The following ACKR2 variants were observed in gnomAD, a reference collection of about 807,000 sequenced individuals.
The protein encoded by ACKR2 is atypical chemokine receptor 2, also known as C-C chemokine receptor D6.
For missense variants in ACKR2, 457 were observed against 477.3 expected (o/e 0.96, Z 0.40); for synonymous variants, 207 against 192.2 (o/e 1.08, Z -0.64).
chr3:42,865,358 G>T lies in ACKR2; in HGVS notation c.856G>T (p.Val286Phe), dbSNP rs1319525918. The T allele has an allele frequency of 6.2e-7, 1 of 1,614,194 alleles. No homozygotes were observed. Among genetic ancestry groups the T allele is most frequent in the Admixed American group, 1.7e-5 (1 of 60,018 alleles). The change falls in exon 3 of 3, where the codon GTC (valine) becomes TTC (phenylalanine). Residue 286 changes from valine (V) to phenylalanine (F), a missense_variant. Physicochemically the swap from Val to Phe is conservative, Grantham distance 50. Transcript: ENST00000422265. ...CCTGCAAGTATTCGGGAACTGTGAG[G>T]TCAGCCAGCATCTAGACTACGCACT... ...LDLQVFGNCE[V>F]SQHLDYALQV...
intron 2 of ACKR2, among the ~76,000 whole-genome samples, chr3:42,842,845 T>C (rs571639501): frequency 5.5e-4 from 84 of 151,846 alleles, no homozygotes; most frequent in Non-Finnish European, 1.0e-3. Flanking sequence ...TAGCCAGGTG[T>C]GGTGGTGGAC....
intron 1 of ACKR2, among the ~76,000 whole-genome samples, chr3:42,812,242 T>A (rs1292941088): frequency 6.6e-6 from 1 of 152,114 alleles, no homozygotes; most frequent in Non-Finnish European, 1.5e-5. Context: ...TGGCTAGGAG[T>A]ATTGTAATGG....
rs376833790 is a variant in ACKR2, at chr3:42,860,189, A to AAAAAC, written c.-37-4277_-37-4276insAAAAC. ...CAAAAAAAAAAAAAAAAAAAAAAAAAGCAGGGGATGCAATCCTAGTCTCTG... is the reference window on the plus strand; with the variant it reads ...CAAAAAAAAAAAAAAAAAAAAAAAAAAAAACGCAGGGGATGCAATCCTAGTCTCTG... On this transcript the variant is annotated intron_variant, in intron 2 of 2. Transcript: ENST00000422265. Among the ~76,000 whole-genome samples the AAAAAC allele has an allele frequency of 4.3e-3, 476 of 111,612 alleles. 55 individuals carry two copies. Among genetic ancestry groups the AAAAAC allele is most frequent in the African/African-American group, 8.9e-3 (305 of 34,182 alleles). The allele number at this position is 111,612 out of a possible 152,430, so 73.2% of individuals were successfully genotyped here.
chr3:42,830,171 G>T (rs1700917009), intron 2 of ACKR2, among the ~76,000 whole-genome samples: 4 of 152,198 alleles, frequency 2.6e-5, no homozygotes, highest in African/African-American at 9.6e-5. Context: ...TGACCATGTG[G>T]CAATCATAGA....
At position 42,866,452 on chromosome 3, in the gene ACKR2, G is replaced by T; in HGVS notation, c.*795G>T. The T allele has an allele frequency of 6.1e-6, 1 of 162,770 alleles. No individual in the cohort carries two copies. The allele number at this position is 162,770 out of a possible 1,614,324, so 10.1% of individuals were successfully genotyped here. ...GGCCTCCCAAAGTGCTGGGATTACA[G>T]GTGTGAGCCACCATGCCTGGCCCTA... On this transcript the variant is annotated 3_prime_UTR_variant, in exon 3 of 3. Coordinates refer to ENST00000422265, the MANE Select transcript of ACKR2 (RefSeq NM_001296.5).
intron 2 of ACKR2, among the ~76,000 whole-genome samples, chr3:42,844,290 G>T (rs1465589064): frequency 6.6e-6 from 1 of 152,178 alleles, no homozygotes; most frequent in Non-Finnish European, 1.5e-5. Context: ...TGAAGAGTGT[G>T]TTAGCAAACC....
At chr3:42,819,909 C>G (rs542069355) in intron 2 of ACKR2, among the ~76,000 whole-genome samples, 198 bp downstream of exon 2, 1 of 152,332 alleles carries the variant, frequency 6.6e-6, no homozygotes, top group Non-Finnish European at 1.5e-5. Flanking sequence ...CTCACTTTGT[C>G]TCTCCCAAAT....
intron 2 of ACKR2, among the ~76,000 whole-genome samples, chr3:42,828,092 A>ATATATATATTTTTT (rs1193533555): frequency 1.1e-4 from 14 of 121,894 alleles, no homozygotes; most frequent in African/African-American, 3.9e-4. Context: ...ATATATATAT[A>ATATATATATTTTTT]TTTTTTTTTT....
chr3:42,846,139 A>G (rs1389456425), intron 2 of ACKR2, among the ~76,000 whole-genome samples: 1 of 152,152 alleles, frequency 6.6e-6, no homozygotes, highest in Non-Finnish European at 1.5e-5. Flanking sequence ...CACTTGAAAC[A>G]GTGTCCTGTC....
intron 2 of ACKR2, among the ~76,000 whole-genome samples, chr3:42,822,681 T>C (rs1004174424): frequency 2.0e-5 from 3 of 152,056 alleles, no homozygotes; most frequent in Non-Finnish European, 4.4e-5. Flanking sequence ...GGTGAAACCC[T>C]GTCTCTACTG....
chr3:42,862,888 AC>A (rs2088398945), intron 2 of ACKR2, among the ~76,000 whole-genome samples: 1 of 152,210 alleles, frequency 6.6e-6, no homozygotes, highest in Non-Finnish European at 1.5e-5. Context: ...TAAACATAAG[AC>A]CTAAAATCGT....
At chr3:42,828,882 T>C (rs1700900712) in intron 2 of ACKR2, among the ~76,000 whole-genome samples, 2 of 152,226 alleles carry the variant, frequency 1.3e-5, no homozygotes, top group African/African-American at 4.8e-5. Flanking sequence ...AGGAGGATAA[T>C]ATAAGAGCAG....
intron 2 of ACKR2, among the ~76,000 whole-genome samples, chr3:42,849,229 C>T (rs937999472): frequency 1.3e-5 from 2 of 152,178 alleles, no homozygotes; most frequent in East Asian, 1.9e-4. Flanking sequence ...AGGCCGGCTG[C>T]TGTGGCTCGT....
At chr3:42,827,834 G>A (rs936615262) in intron 2 of ACKR2, among the ~76,000 whole-genome samples, 6 of 152,116 alleles carry the variant, frequency 3.9e-5, no homozygotes, top group East Asian at 1.9e-4. Flanking sequence ...CAGCCTGTGC[G>A]TGGACACTCT....
At chr3:42,846,236 G>A (rs1290742794) in intron 2 of ACKR2, among the ~76,000 whole-genome samples, 1 of 152,200 alleles carries the variant, frequency 6.6e-6, no homozygotes, top group Non-Finnish European at 1.5e-5. Flanking sequence ...CCCTCAGGAA[G>A]GGCTTCCTGG....
At chr3:42,837,350 G>T (rs943875048) in intron 2 of ACKR2, among the ~76,000 whole-genome samples, 6 of 152,058 alleles carry the variant, frequency 3.9e-5, no homozygotes, top group Admixed American at 3.9e-4. Context: ...CGGAGTAGCT[G>T]GGACTACAGG....
chr3:42,831,570 G>C (rs2125608807), intron 2 of ACKR2, among the ~76,000 whole-genome samples: 1 of 152,262 alleles, frequency 6.6e-6, no homozygotes, highest in South Asian at 2.1e-4. Flanking sequence ...GCTGAGTGTG[G>C]ATGAGCTCCA....
At chr3:42,856,533 G>A in intron 2 of ACKR2, 5 of 621,432 alleles carry the variant, frequency 8.0e-6, no homozygotes, top group Admixed American at 5.3e-5. Flanking sequence ...CAATACATAT[G>A]AAAAAAGCTA....
chr3:42,832,703 A>G (rs1700942948), intron 2 of ACKR2, among the ~76,000 whole-genome samples: 1 of 149,718 alleles, frequency 6.7e-6, no homozygotes, highest in African/African-American at 2.5e-5. Flanking sequence ...TGTCATTTTA[A>G]TTTTTTTTTT....
Sources: allele counts gnomAD v4.1 joint callset (sites outside exome capture counted in the v4.1 genomes callset), GRCh38; gene constraint gnomAD v4.1.1; transcripts MANE v1.5; gene names NCBI Gene and HGNC (gene_info 2026-07-23, HGNC 2026-07-21).